ZNF787: variants seen among roughly 807,000 people sequenced by gnomAD.
The protein encoded by ZNF787 is zinc finger protein 787.
ZNF787 carries 7 observed loss-of-function variants against 16.9 expected under a neutral mutation model. That is an observed-to-expected ratio of 0.42 (90% CI 0.24 to 0.78). ZNF787 has a LOEUF of 0.78. Ranked by LOEUF, ZNF787 falls within the 30% of genes least tolerant of loss-of-function variation. The pLI is 0.30. For synonymous variants in ZNF787, 345 were observed against 270.9 expected (o/e 1.27, Z -2.69); for missense variants, 551 against 589.3 (o/e 0.94, Z 0.67).
chr19:56,120,646 G>T (rs1023809339), intron 1 of ZNF787, among the ~76,000 whole-genome samples: 23 of 151,720 alleles, frequency 1.5e-4, no homozygotes, highest in Admixed American at 9.2e-4. Flanking sequence ...GGGCTGGGGG[G>T]GCCGAGGGCT....
intron 2 of ZNF787, among the ~76,000 whole-genome samples, chr19:56,091,377 C>A (rs1985567888): frequency 6.6e-6 from 1 of 152,182 alleles, no homozygotes; most frequent in Non-Finnish European, 1.5e-5. Flanking sequence ...ATTCTGAACA[C>A]AAAACTTGTG....
At chr19:56,111,105 T>TA (rs1343797743) in intron 1 of ZNF787, among the ~76,000 whole-genome samples, 5 of 152,238 alleles carry the variant, frequency 3.3e-5, no homozygotes, top group Non-Finnish European at 7.3e-5. Context: ...TCCTAAAGCC[T>TA]AAAATGTTTA....
intron 2 of ZNF787, among the ~76,000 whole-genome samples, chr19:56,091,085 A>C (rs139123738): frequency 8.8e-4 from 134 of 152,356 alleles, no homozygotes; most frequent in African/African-American, 3.2e-3. Context: ...TAAATCAAAA[A>C]ATGTTGTAAG....
intron 2 of ZNF787, among the ~76,000 whole-genome samples, chr19:56,099,591 A>T (rs7253923): frequency 0.59 from 89,340 of 151,324 alleles, 29,307 homozygotes; most frequent in South Asian, 0.82. Context: ...GGTGCCTGTA[A>T]TCCCAGCTAT....
intron 1 of ZNF787, among the ~76,000 whole-genome samples, chr19:56,107,859 C>A (rs1405685769): frequency 6.7e-6 from 1 of 149,022 alleles, no homozygotes; most frequent in Non-Finnish European, 1.5e-5. Context: ...GAAGGCCGGG[C>A]ATGCTGGGGG....
chr19:56,119,825 T>C (rs1599964889), intron 1 of ZNF787, among the ~76,000 whole-genome samples: 2 of 152,202 alleles, frequency 1.3e-5, no homozygotes, highest in Admixed American at 6.5e-5. Context: ...GGCAGGCAGG[T>C]GAATGTCAGC....
chr19:56,088,436 C>T lies in ZNF787; in HGVS notation c.736G>A (p.Val246Met), dbSNP rs1196867290. 8.1e-7 allele frequency: 1 copy of T among 1,228,668 alleles called. No individual in the cohort carries two copies. Among genetic ancestry groups the T allele is most frequent in the Middle Eastern group, 3.2e-4 (1 of 3,098 alleles). The allele number at this position is 1,228,668 out of a possible 1,614,324, so 76.1% of individuals were successfully genotyped here. A position where few individuals can be genotyped will look rare whatever the true frequency, so the allele number is the denominator to read the frequency against. Residue 246 changes from valine (V) to methionine (M), a missense_variant, in exon 3 of 3, where the codon GTG becomes ATG. Transcript: ENST00000610935. The surrounding 1 kb of genome is among the most constrained non-coding windows in gnomAD (Gnocchi z 8.6). ...PVGDGEGIIV[V>M]GAPGEGAAAA... ...GCGGCCCCCTCGCCCGGCGCGCCCA[C>T]CACGATGATGCCCTCGCCATCGCCC...
At chr19:56,098,529 T>TACA (rs1207268837) in intron 2 of ZNF787, among the ~76,000 whole-genome samples, 7 of 132,486 alleles carry the variant, frequency 5.3e-5, no homozygotes, top group African/African-American at 2.0e-4. Flanking sequence ...CGCAGGGTGA[T>TACA]GCCACCAGGG....
At chr19:56,112,226 A>T (rs2030000424) in intron 1 of ZNF787, among the ~76,000 whole-genome samples, 1 of 152,140 alleles carries the variant, frequency 6.6e-6, no homozygotes, top group South Asian at 2.1e-4. Flanking sequence ...GCTCTCAAGA[A>T]AACCCTGGGC....
chr19:56,113,633 C>T lies in ZNF787; in HGVS notation c.-11+7539G>A, dbSNP rs755622150. The stretch of plus-strand genomic sequence containing the variant: ...GCACGATTCTATTTATGCGCCTGCC[C>T]ACAAGAGGCACACCCCGGGAAAGAA... On this transcript the variant is annotated intron_variant, in intron 1 of 2. Transcript: ENST00000610935. 8.5e-5 allele frequency among the ~76,000 whole-genome samples: 13 copies of T among 152,062 alleles called. 1 individual carries two copies. The highest frequency in any genetic ancestry group is 6.3e-3 in the Middle Eastern group (2 of 316).
rs541210895 is a variant in ZNF787 at position 56,088,335 on chromosome 19, C to A, written c.837G>T (p.Pro279=). The A allele has an allele frequency of 1.6e-6, 2 of 1,231,080 alleles. No individual in the cohort carries two copies. Among genetic ancestry groups the A allele is most frequent in the African/African-American group, 1.6e-5 (1 of 61,876 alleles). 76.3% of individuals were successfully genotyped at this position (1,231,080 alleles called of 1,614,324 possible). ...PRSRRAPAPK[P]YVCLECGKGF... ...CCTTCCCGCACTCCAGACACACGTA[C>A]GGCTTGGGGGCCGGGGCGCGCCGCG... is the stretch of plus-strand genomic sequence containing the variant. The change falls in exon 3 of 3, where the codon CCG becomes CCT. Residue 279 remains proline (P), a synonymous_variant. Transcript: ENST00000610935. The surrounding 1 kb of genome is among the most constrained non-coding windows in gnomAD (Gnocchi z 8.6).
intron 1 of ZNF787, 93 bp downstream of exon 1, chr19:56,121,079 C>G (rs1438826979): frequency 7.4e-6 from 1 of 134,898 alleles, no homozygotes; most frequent in Non-Finnish European, 1.6e-5. Flanking sequence ...CGCTCGCCCT[C>G]CAGTCTCCCC....
intron 2 of ZNF787, among the ~76,000 whole-genome samples, chr19:56,092,752 A>G (rs1985675401): frequency 6.6e-6 from 1 of 152,082 alleles, no homozygotes; most frequent in Admixed American, 6.6e-5. Flanking sequence ...GGGATGACAG[A>G]GCTGGAATAT....
At chr19:56,089,228 A>C in intron 2 of ZNF787, 136 bp from the exon 3 acceptor site, 1 of 522,560 alleles carries the variant, frequency 1.9e-6, no homozygotes, top group Non-Finnish European at 3.2e-6. Context: ...AGTGTGCATC[A>C]CTCCCTGCAT....
In ZNF787 at chr19:56,088,246, G is replaced by T; in HGVS notation, c.926C>A (p.Ala309Glu). 3 of 1,469,216 alleles carry T rather than the reference G, an allele frequency of 2.0e-6. No homozygotes were observed. The highest frequency in any genetic ancestry group is 1.8e-6 in the Non-Finnish European group (2 of 1,114,344). The allele number at this position is 1,469,216 out of a possible 1,614,324, so 91.0% of individuals were successfully genotyped here. The part of the protein sequence containing the change: ...QRAQHGDGLG[A>E]AGGEEPAHIC... Reference sequence around the variant, plus strand: ...GTGGGCCGGCTCCTCGCCCCCCGCCGCCCCGAGCCCGTCCCCGTGCTGGGC... The same window carrying T: ...GTGGGCCGGCTCCTCGCCCCCCGCCTCCCCGAGCCCGTCCCCGTGCTGGGC... Residue 309 changes from alanine (A) to glutamate (E), a missense_variant, in exon 3 of 3, where the codon GCG (alanine) becomes GAG (glutamate). Coordinates refer to ENST00000610935, the MANE Select transcript of ZNF787 (RefSeq NM_001002836.4). The surrounding 1 kb of genome is among the most constrained non-coding windows in gnomAD (Gnocchi z 8.6).
chr19:56,093,733 T>C (rs1568524542), intron 2 of ZNF787, among the ~76,000 whole-genome samples: 1 of 152,220 alleles, frequency 6.6e-6, no homozygotes, highest in East Asian at 1.9e-4. Flanking sequence ...CATTTTCTCC[T>C]GGCATAAAGT....
chr19:56,099,049 C>G (rs973592788), intron 2 of ZNF787, among the ~76,000 whole-genome samples: 5 of 152,186 alleles, frequency 3.3e-5, no homozygotes, highest in Non-Finnish European at 7.4e-5. Context: ...AGAGGCCACC[C>G]TGGATCTGTC....
At chr19:56,109,029 C>T (rs2029904176) in intron 1 of ZNF787, among the ~76,000 whole-genome samples, 1 of 152,132 alleles carries the variant, frequency 6.6e-6, no homozygotes, top group South Asian at 2.1e-4. Flanking sequence ...TGGGTGGAGT[C>T]ACCCCTCCTC....
chr19:56,115,729 C>T (rs917953765), intron 1 of ZNF787, among the ~76,000 whole-genome samples: 1 of 152,112 alleles, frequency 6.6e-6, no homozygotes, highest in Non-Finnish European at 1.5e-5. Context: ...AGAGACAGCT[C>T]ACGGCCCCAG....
Sources: allele counts gnomAD v4.1 joint callset (sites outside exome capture counted in the v4.1 genomes callset), GRCh38; gene constraint gnomAD v4.1.1; non-coding constraint Gnocchi (gnomAD v3.1); transcripts MANE v1.5; gene names NCBI Gene and HGNC (gene_info 2026-07-23, HGNC 2026-07-21).